TNFRSF19: variants seen among roughly 807,000 people sequenced by gnomAD.
The protein encoded by TNFRSF19 is TNF receptor superfamily member 19, also known as tumor necrosis factor receptor superfamily member 19.
TNFRSF19 carries 27 observed loss-of-function variants against 46.4 expected under a neutral mutation model. The ratio of observed to expected loss-of-function variants is 0.58; its 90% CI spans 0.43 to 0.80. The LOEUF is 0.80. Among genes scored for constraint, TNFRSF19 ranks in the 30% least tolerant of loss-of-function variants. TNFRSF19 has a pLI of 0.00. For missense variants in TNFRSF19, 511 were observed against 530.8 expected (o/e 0.96, Z 0.37); for synonymous variants, 204 against 205.0 (o/e 1.00, Z 0.04).
At chr13:23,644,296 T>C (rs958533105) in intron 5 of TNFRSF19, among the ~76,000 whole-genome samples, 5 of 152,118 alleles carry the variant, frequency 3.3e-5, no homozygotes, top group African/African-American at 1.2e-4. Context: ...AATCTCCACA[T>C]GTTGTGGGAG....
Position 23,668,720 on chromosome 13 carries a change from C to A in TNFRSF19, c.868C>A (p.Pro290Thr). The part of the protein sequence containing the change: ...RNAGPAGEMV[P>T]TFFGSLTQSI... ...CGCAGGCCCAGCCGGGGAGATGGTG[C>A]CGACTTTCTTCGGATCCCTCACGCA... Residue 290 changes from proline (P) to threonine (T), a missense_variant, in exon 9 of 10, where the codon CCG (proline) becomes ACG (threonine). Pro to Thr is a conservative substitution (Grantham distance 38, BLOSUM62 -1). Coordinates refer to ENST00000248484, the MANE Select transcript of TNFRSF19 (RefSeq NM_148957.4). 1 of 1,613,910 alleles carries A rather than the reference C, an allele frequency of 6.2e-7. No individual in the cohort carries two copies. Among genetic ancestry groups the A allele is most frequent in the Non-Finnish European group, 8.5e-7 (1 of 1,179,864 alleles).
At chr13:23,671,189 C>T (rs114039256) in intron 9 of TNFRSF19, among the ~76,000 whole-genome samples, 2,203 of 152,194 alleles carry the variant, frequency 0.014, 72 homozygotes, top group African/African-American at 0.051. Context: ...TTTTCAAAGA[C>T]ATGCAAGGTA....
rs2138431658 is a variant in TNFRSF19, at chr13:23,674,702, C to T, written c.*1322C>T. On this transcript the variant is annotated 3_prime_UTR_variant, in exon 10 of 10. Coordinates refer to ENST00000248484, the MANE Select transcript of TNFRSF19 (RefSeq NM_148957.4). Reference sequence around the variant, plus strand: ...TGAACAGGGCATATTTTTTAGACTTCTGAACATCAGTATGTTCGAGGGTAC... The same window carrying T: ...TGAACAGGGCATATTTTTTAGACTTTTGAACATCAGTATGTTCGAGGGTAC... 1 of 152,364 alleles carries T rather than the reference C, an allele frequency of 6.6e-6. No homozygotes were observed. Among genetic ancestry groups the T allele is most frequent in the African/African-American group, 2.4e-5 (1 of 41,582 alleles). 9.4% of individuals were successfully genotyped at this position (152,364 alleles called of 1,614,324 possible).
intron 1 of TNFRSF19, chr13:23,585,541 C>T (rs1356044618): frequency 6.6e-6 from 1 of 152,204 alleles, no homozygotes; most frequent in Non-Finnish European, 1.5e-5. Context: ...GCATTTCAAC[C>T]TCAGGTTATA....
chr13:23,581,507 C>A (rs1878430512), intron 1 of TNFRSF19, among the ~76,000 whole-genome samples: 1 of 152,052 alleles, frequency 6.6e-6, no homozygotes, highest in African/African-American at 2.4e-5. Context: ...GTAAAAGTAG[C>A]TGTAAAAGAG....
intron 7 of TNFRSF19, among the ~76,000 whole-genome samples, chr13:23,667,273 A>G (rs1183033633): frequency 1.3e-5 from 2 of 152,166 alleles, no homozygotes; most frequent in South Asian, 2.1e-4. Flanking sequence ...TTAAGCTTAT[A>G]TTATCTTTGT....
chr13:23,640,518 C>A (rs7991222), intron 5 of TNFRSF19, among the ~76,000 whole-genome samples: 39,392 of 152,090 alleles, frequency 0.26, 5,544 homozygotes, highest in Non-Finnish European at 0.32. Context: ...AGATGAGCTG[C>A]TCTTTCTGGT....
chr13:23,619,905 G>A (rs1040252598), intron 4 of TNFRSF19, among the ~76,000 whole-genome samples: 12 of 152,218 alleles, frequency 7.9e-5, no homozygotes, highest in African/African-American at 1.9e-4. Flanking sequence ...GGACTCCACC[G>A]TGCCTGGTTC....
chr13:23,581,239 G>T lies in TNFRSF19; in HGVS notation c.-34-8911G>T, dbSNP rs148226968. ...CTGCGCACTGCAAGCTCCACTTCCC[G>T]GGTTCACGCCATTCTCCTGCCTCAG... On this transcript the variant is annotated intron_variant, in intron 1 of 9. Coordinates refer to ENST00000248484, the MANE Select transcript of TNFRSF19 (RefSeq NM_148957.4). Among the ~76,000 whole-genome samples the T allele has an allele frequency of 6.6e-5, 10 of 151,312 alleles. No homozygotes were observed. The South Asian group carries it at 1.7e-3, about 25-fold the overall frequency.
chr13:23,574,953 G>A (rs1877860880), intron 1 of TNFRSF19, among the ~76,000 whole-genome samples: 1 of 152,236 alleles, frequency 6.6e-6, no homozygotes, highest in East Asian at 1.9e-4. Flanking sequence ...GGAAGGAGAA[G>A]TCATGTGGGG....
chr13:23,628,187 C>CA lies in TNFRSF19; in HGVS notation c.445+1396dup, dbSNP rs1882128468. Among the ~76,000 whole-genome samples, 4 of 152,196 alleles carry CA rather than the reference C, an allele frequency of 2.6e-5. No homozygotes were observed. In the South Asian group the frequency reaches 8.3e-4, roughly 32 times the overall value. On this transcript the variant is annotated intron_variant, in intron 5 of 9. Transcript: ENST00000248484. ...AGTCCCAGAGACAATATTCAAATTC[C>CA]AGTCCAATTCTTTCTACCACAACGT...
In TNFRSF19 at chr13:23,673,306, T is replaced by C. The variant is rs115381282; in HGVS notation, c.1246-66T>C. 2,126 of 1,534,504 alleles carry C rather than the reference T, an allele frequency of 1.4e-3. 28 individuals carry two copies. The African/African-American group carries it at 0.026, about 19-fold the overall frequency. On this transcript the variant is annotated intron_variant, in intron 9 of 9. Transcript: ENST00000248484. ...AGTTATGCATAATAATTCTTTACCATTGAAATTTAGCAGATTTAACTTGTA... is the reference window on the plus strand; with the variant it reads ...AGTTATGCATAATAATTCTTTACCACTGAAATTTAGCAGATTTAACTTGTA...
intron 5 of TNFRSF19, among the ~76,000 whole-genome samples, chr13:23,632,082 A>G (rs1230778669): frequency 2.0e-5 from 3 of 152,150 alleles, no homozygotes; most frequent in Non-Finnish European, 2.9e-5. Context: ...CCCTTTTCCA[A>G]GAGGACTTCC....
rs1387814316 is a variant in TNFRSF19, at chr13:23,659,160, C to T, written c.556C>T (p.Leu186Phe). The T allele has an allele frequency of 1.2e-6, 2 of 1,614,176 alleles. No homozygotes were observed. The highest frequency in any genetic ancestry group is 3.3e-5 in the Admixed American group (2 of 60,026). The change falls in exon 6 of 10, where the codon CTC (leucine) becomes TTC (phenylalanine). Residue 186 changes from leucine (L) to phenylalanine (F), a missense_variant. By Grantham distance (22) the Leu-to-Phe change is conservative. This residue lies in a region of TNFRSF19 where 376 missense variants were observed against 372.7 expected (regional missense o/e 1.01). Transcript: ENST00000248484. The surrounding 1 kb of genome is among the most constrained non-coding windows in gnomAD (Gnocchi z 4.9). ...SALATVLLAL[L>F]ILCVIYCKRQ... ...TCTGGCCACCGTCCTGCTGGCCCTG[C>T]TCATCCTCTGTGTCATCTATTGTAA... is the stretch of plus-strand genomic sequence containing the variant.
At chr13:23,607,548 T>C (rs1880594794) in intron 3 of TNFRSF19, among the ~76,000 whole-genome samples, 1 of 152,188 alleles carries the variant, frequency 6.6e-6, no homozygotes, top group Non-Finnish European at 1.5e-5. Context: ...TTTGAAATTT[T>C]GAAAGCAGAG....
chr13:23,620,248 G>A (rs1364180526), intron 4 of TNFRSF19, among the ~76,000 whole-genome samples: 1 of 152,154 alleles, frequency 6.6e-6, no homozygotes, highest in Non-Finnish European at 1.5e-5. Context: ...AGAAAGACGT[G>A]AGCAAAATGC....
intron 3 of TNFRSF19, among the ~76,000 whole-genome samples, chr13:23,606,005 G>T (rs1880486527): frequency 6.6e-6 from 1 of 152,296 alleles, no homozygotes; most frequent in African/African-American, 2.4e-5. Context: ...TCATTCTGGT[G>T]CAGGGTGCTG....
intron 5 of TNFRSF19, among the ~76,000 whole-genome samples, chr13:23,649,377 T>C (rs943194379): frequency 1.3e-5 from 2 of 152,186 alleles, no homozygotes; most frequent in African/African-American, 2.4e-5. Context: ...TATTGTCTTA[T>C]AATCCTTTTT....
Position 23,610,382 on chromosome 13 carries a change from G to T in TNFRSF19, c.181-5485G>T, listed in dbSNP as rs145542869. On this transcript the variant is annotated intron_variant, in intron 3 of 9. Coordinates refer to ENST00000248484, the MANE Select transcript of TNFRSF19 (RefSeq NM_148957.4). ...TGCTACTGGAAAACCACCAAATGTGGCTTAAAAATATTGGGCAGAGTGACA... is the reference window on the plus strand; with the variant it reads ...TGCTACTGGAAAACCACCAAATGTGTCTTAAAAATATTGGGCAGAGTGACA... Among the ~76,000 whole-genome samples the T allele has an allele frequency of 1.8e-3, 267 of 152,340 alleles. 2 individuals carry two copies. The highest frequency in any genetic ancestry group is 6.0e-3 in the African/African-American group (251 of 41,582).
Sources: allele counts gnomAD v4.1 joint callset (sites outside exome capture counted in the v4.1 genomes callset), GRCh38; gene constraint gnomAD v4.1.1; regional missense constraint gnomAD v4.1.1; non-coding constraint Gnocchi (gnomAD v3.1); transcripts MANE v1.5; gene names NCBI Gene and HGNC (gene_info 2026-07-23, HGNC 2026-07-21).